Variants in MCTP2 observed in about 807,000 individuals in gnomAD.
MCTP2 encodes multiple C2 and transmembrane domain containing 2, also known as multiple C2 and transmembrane domain-containing protein 2.
MCTP2 carries 132 observed loss-of-function variants against 111.6 expected under a neutral mutation model. The observed-to-expected ratio is 1.18, with a 90% CI of 1.03 to 1.37. The LOEUF (loss-of-function observed/expected upper bound fraction) is 1.37, where lower values mean the gene tolerates loss of function less well. Among genes scored for constraint, MCTP2 ranks in the 40% most tolerant of loss-of-function variants. MCTP2 has a pLI of 0.00. For missense variants in MCTP2, 1,183 were observed against 1,067.9 expected, an observed-to-expected ratio of 1.11 and a Z score of -1.50; for synonymous variants, 395 against 387.7, an observed-to-expected ratio of 1.02 and a Z score of -0.22.
At chr15:94,373,022 G>T (rs918147047) in intron 12 of MCTP2, among the ~76,000 whole-genome samples, 3 of 152,164 alleles carry the variant, frequency 2.0e-5, no homozygotes, top group African/African-American at 7.2e-5. Flanking sequence ...ATTAGTCTTG[G>T]CAGTAGTCCA....
chr15:94,463,507 A>AT (rs1159890446), intron 20 of MCTP2, among the ~76,000 whole-genome samples: 3 of 151,928 alleles, frequency 2.0e-5, no homozygotes, highest in African/African-American at 7.3e-5. Context: ...ATTATTCTGG[A>AT]TTTTTTTCCT....
intron 15 of MCTP2, 60 bp downstream of exon 15, chr15:94,399,122 C>T (rs2081426690): frequency 2.4e-6 from 2 of 830,164 alleles, no homozygotes; most frequent in South Asian, 1.4e-5. Context: ...AGGTGACCAG[C>T]CTTTGGAGGC....
At chr15:94,245,303 T>C (rs1335784330) in intron 1 of MCTP2, among the ~76,000 whole-genome samples, 1 of 142,824 alleles carries the variant, frequency 7.0e-6, no homozygotes, top group Non-Finnish European at 1.5e-5. Flanking sequence ...TATATTTATA[T>C]ACATATATGT....
chr15:94,300,370 C>T (rs566317954), intron 2 of MCTP2, among the ~76,000 whole-genome samples: 2 of 151,750 alleles, frequency 1.3e-5, no homozygotes, highest in African/African-American at 4.8e-5. Context: ...ATTAGCCGGG[C>T]GTGGTGGCGG....
intron 8 of MCTP2, among the ~76,000 whole-genome samples, chr15:94,348,085 G>C (rs2078084430): frequency 6.6e-6 from 1 of 152,036 alleles, no homozygotes; most frequent in Non-Finnish European, 1.5e-5. Context: ...GTATTAATAT[G>C]TCTGCTGTCT....
chr15:94,439,410 T>G (rs2083653740), intron 17 of MCTP2, among the ~76,000 whole-genome samples: 1 of 152,260 alleles, frequency 6.6e-6, no homozygotes, highest in East Asian at 1.9e-4. Flanking sequence ...GAAACGAAAG[T>G]GAGACTCAAA....
intron 4 of MCTP2, among the ~76,000 whole-genome samples, chr15:94,325,011 A>G (rs991343767): frequency 3.3e-5 from 5 of 152,184 alleles, no homozygotes; most frequent in African/African-American, 4.8e-5. Flanking sequence ...TGAAGTATTC[A>G]TTCTGGCAGC....
intron 14 of MCTP2, among the ~76,000 whole-genome samples, chr15:94,390,545 C>G (rs2080895210): frequency 6.6e-6 from 1 of 151,936 alleles, no homozygotes; most frequent in Admixed American, 6.6e-5. Context: ...CAGGCCATTC[C>G]TTTTTATTGA....
intron 1 of MCTP2, among the ~76,000 whole-genome samples, chr15:94,286,612 T>C (rs895114049): frequency 5.9e-5 from 9 of 152,202 alleles, no homozygotes; most frequent in African/African-American, 2.2e-4. Flanking sequence ...ATTATGCTGT[T>C]CCATTCTGAG....
At chr15:94,359,181 G>A (rs1416119239) in intron 10 of MCTP2, among the ~76,000 whole-genome samples, 1 of 152,094 alleles carries the variant, frequency 6.6e-6, no homozygotes, top group African/African-American at 2.4e-5. Context: ...GGCAGCATAG[G>A]TGCTGTAACC....
chr15:94,419,756 A>ATTTTT (rs375546096), intron 17 of MCTP2, among the ~76,000 whole-genome samples: 10 of 147,152 alleles, frequency 6.8e-5, no homozygotes, highest in African/African-American at 2.2e-4. Flanking sequence ...CATACTGCTT[A>ATTTTT]TTTTTTTTTT....
intron 19 of MCTP2, among the ~76,000 whole-genome samples, chr15:94,445,958 A>G (rs961550782): frequency 6.6e-6 from 1 of 152,180 alleles, no homozygotes; most frequent in Non-Finnish European, 1.5e-5. Context: ...TGTTGGCACA[A>G]CTTCCTCAGG....
At chr15:94,471,332 A>G (rs1048078169) in intron 21 of MCTP2, among the ~76,000 whole-genome samples, 1 of 152,236 alleles carries the variant, frequency 6.6e-6, no homozygotes, top group Non-Finnish European at 1.5e-5. Context: ...CACAAAGAGA[A>G]GAGACTGTGT....
intron 17 of MCTP2, chr15:94,403,263 G>T: frequency 1.0e-6 from 1 of 983,484 alleles, no homozygotes; most frequent in Non-Finnish European, 1.2e-6. Context: ...TTATTAATCT[G>T]TATCCGTCAT....
chr15:94,339,307 G>A lies in MCTP2; in HGVS notation c.655G>A (p.Val219Met), dbSNP rs1489061472. 2 of 1,605,824 alleles carry A rather than the reference G, an allele frequency of 1.2e-6. No homozygotes were observed. The highest frequency in any genetic ancestry group is 2.2e-5 in the South Asian group (2 of 90,150). Residue 219 changes from valine (V) to methionine (M), a missense_variant, in exon 5 of 23, where the codon GTG becomes ATG. Physicochemically the swap from Val to Met is conservative, Grantham distance 21. Coordinates refer to ENST00000357742, the MANE Select transcript of MCTP2 (RefSeq NM_001385001.1). ...RDRCGTSDPY[V>M]KFKLNGKTLY... ...TTTTAAAGGCACAAGTGATCCTTAT[G>A]TGAAATTTAAGCTGAATGGGAAGAC...
intron 4 of MCTP2, among the ~76,000 whole-genome samples, chr15:94,333,362 T>G (rs942086966): frequency 1.3e-5 from 2 of 152,190 alleles, no homozygotes; most frequent in Admixed American, 6.5e-5. Context: ...GAAGTACATA[T>G]CAGCTTATTA....
At chr15:94,235,223 C>T (rs1344581443) in intron 1 of MCTP2, among the ~76,000 whole-genome samples, 1 of 149,726 alleles carries the variant, frequency 6.7e-6, no homozygotes, top group Non-Finnish European at 1.5e-5. Context: ...CATTGCATTC[C>T]AGCCTGGGAG....
At chr15:94,274,746 C>A (rs74030923) in intron 1 of MCTP2, among the ~76,000 whole-genome samples, 1,765 of 152,156 alleles carry the variant, frequency 0.012, 35 homozygotes, top group African/African-American at 0.04. Context: ...CACATATATA[C>A]ACATGCATGC....
intron 4 of MCTP2, among the ~76,000 whole-genome samples, chr15:94,335,462 C>G (rs1419591518): frequency 1.3e-5 from 2 of 152,116 alleles, no homozygotes; most frequent in Non-Finnish European, 2.9e-5. Context: ...TAAGTCTAAA[C>G]AAATTCTGAC....
Sources: allele counts gnomAD v4.1 joint callset (sites outside exome capture counted in the v4.1 genomes callset), GRCh38; gene constraint gnomAD v4.1.1; transcripts MANE v1.5; gene names NCBI Gene and HGNC (gene_info 2026-07-23, HGNC 2026-07-21).